Variants in FNBP4 observed in about 807,000 individuals in gnomAD.
FNBP4 encodes the protein formin-binding protein 4.
In FNBP4, 34 loss-of-function variants were observed where a neutral mutation model predicts 119.3. That is an observed-to-expected ratio of 0.28 (90% CI 0.22 to 0.38). FNBP4 has a LOEUF of 0.38. FNBP4 is among the 10% of genes least tolerant of loss of function. The pLI is 1.00. For synonymous variants in FNBP4, 462 were observed against 430.6 expected, an observed-to-expected ratio of 1.07 and a Z score of -0.90; for missense variants, 1,112 against 1,228.9, an observed-to-expected ratio of 0.90 and a Z score of 1.42.
intron 12 of FNBP4, chr11:47,729,627 A>T (rs1481540343): frequency 3.2e-6 from 3 of 948,018 alleles, no homozygotes; most frequent in Non-Finnish European, 3.8e-6. Context: ...TTCCCACCTC[A>T]ACCTCCCAAA....
chr11:47,732,453 C>T lies in FNBP4; in HGVS notation c.1820+84G>A, dbSNP rs1420886893. The T allele has an allele frequency of 3.1e-6, 5 of 1,588,374 alleles. No homozygotes were observed. In the Admixed American group the frequency reaches 6.9e-5, roughly 22 times the overall value. ...CAGCTGCTCTCAGTCTCCAGACAGG[C>T]TGTCATGTCGTCAGATGGTGGTGAT... On this transcript the variant is annotated intron_variant, in intron 11 of 16. Coordinates refer to ENST00000263773, the MANE Select transcript of FNBP4 (RefSeq NM_015308.5). The surrounding 1 kb of genome is among the most constrained non-coding windows in gnomAD (Gnocchi z 4.2).
chr11:47,735,646 T>A (rs2097572966), intron 9 of FNBP4, among the ~76,000 whole-genome samples: 1 of 152,230 alleles, frequency 6.6e-6, no homozygotes, highest in South Asian at 2.1e-4. Flanking sequence ...TTTTAGATAA[T>A]TTCTCAGTAT....
chr11:47,751,901 T>C (rs1013689364), intron 4 of FNBP4, among the ~76,000 whole-genome samples: 7 of 151,852 alleles, frequency 4.6e-5, no homozygotes, highest in East Asian at 1.9e-4. Context: ...TGAGCCAAGA[T>C]TGCACCATTG....
chr11:47,734,611 G>A (rs1316424839), intron 9 of FNBP4, among the ~76,000 whole-genome samples: 2 of 152,144 alleles, frequency 1.3e-5, no homozygotes, highest in African/African-American at 4.8e-5. Context: ...TTAGAATGGT[G>A]GTTGCTAGGG....
intron 7 of FNBP4, among the ~76,000 whole-genome samples, chr11:47,745,326 T>C (rs1480008576): frequency 6.6e-6 from 1 of 152,270 alleles, no homozygotes; most frequent in African/African-American, 2.4e-5. Context: ...GCTAAATTCT[T>C]TTCCTAGCAA....
intron 2 of FNBP4, among the ~76,000 whole-genome samples, chr11:47,756,027 G>GCTTTTAATCAATGAT (rs1445709439): frequency 3.9e-5 from 6 of 152,110 alleles, no homozygotes; most frequent in Non-Finnish European, 5.9e-5. Flanking sequence ...TAAAAACGAA[G>GCTTTTAATCAATGAT]CTTTTAATCA....
chr11:47,721,251 C>A (rs2097555348), intron 15 of FNBP4, among the ~76,000 whole-genome samples: 1 of 149,746 alleles, frequency 6.7e-6, no homozygotes, highest in South Asian at 2.1e-4. Flanking sequence ...GACTCCATCT[C>A]AAAAATAAAT....
rs768967674 is a variant in FNBP4, at chr11:47,750,991, T to C, written c.831A>G (p.Ile277Met). 2 of 1,614,052 alleles carry C rather than the reference T, an allele frequency of 1.2e-6. No individual in the cohort carries two copies. The highest frequency in any genetic ancestry group is 1.7e-6 in the Non-Finnish European group (2 of 1,179,974). The stretch of plus-strand genomic sequence containing the variant: ...CAGAAATCGTTTTCTCCTTAGAATA[T>C]ATGTCTGTATTTACCACAAAACTAG... ...AETSFVVNTDIYSKEKTISVS... is the reference protein window; with the variant it reads ...AETSFVVNTDMYSKEKTISVS... Residue 277 changes from isoleucine (I) to methionine (M), a missense_variant, in exon 6 of 17, where the codon ATA (isoleucine) becomes ATG (methionine). Ile to Met is a conservative substitution (Grantham distance 10, BLOSUM62 1). Coordinates refer to ENST00000263773, the MANE Select transcript of FNBP4 (RefSeq NM_015308.5).
Position 47,735,567 on chromosome 11 carries a change from G to A in FNBP4, c.1581+1049C>T, listed in dbSNP as rs376235006. On this transcript the variant is annotated intron_variant, in intron 9 of 16. Coordinates refer to ENST00000263773, the MANE Select transcript of FNBP4 (RefSeq NM_015308.5). ...AATCTGTGACTTTTCTCCCAAACTAGAGAAGCCTATAAGCTACTGCTTCTC... is the reference window on the plus strand; with the variant it reads ...AATCTGTGACTTTTCTCCCAAACTAAAGAAGCCTATAAGCTACTGCTTCTC... Among the ~76,000 whole-genome samples, 365 of 152,300 alleles carry A rather than the reference G, an allele frequency of 2.4e-3. 3 individuals are homozygous for A. The highest frequency in any genetic ancestry group is 5.4e-3 in the Admixed American group (82 of 15,290).
At chr11:47,731,009 G>GT (rs2135104793) in intron 12 of FNBP4, among the ~76,000 whole-genome samples, 1 of 152,242 alleles carries the variant, frequency 6.6e-6, no homozygotes, top group East Asian at 1.9e-4. Flanking sequence ...GTATAGAAAT[G>GT]TATAACAAAT....
intron 6 of FNBP4, among the ~76,000 whole-genome samples, chr11:47,750,489 A>C (rs1406845076): frequency 1.3e-5 from 2 of 150,522 alleles, no homozygotes; most frequent in South Asian, 2.1e-4. Flanking sequence ...GGAGATCGAG[A>C]CCATCCTGGC....
chr11:47,719,162 AC>A (rs1342207881), intron 16 of FNBP4, among the ~76,000 whole-genome samples: 1 of 152,244 alleles, frequency 6.6e-6, no homozygotes, highest in African/African-American at 2.4e-5. Context: ...TGCTGGGATT[AC>A]AGGCGTGAGC....
intron 8 of FNBP4, among the ~76,000 whole-genome samples, chr11:47,743,152 T>C (rs2097584686): frequency 6.6e-6 from 1 of 152,128 alleles, no homozygotes; most frequent in African/African-American, 2.4e-5. Context: ...TGTACTCAAC[T>C]AAGGTTTGGC....
Position 47,723,097 on chromosome 11 carries a change from C to G in FNBP4, c.2684G>C (p.Gly895Ala), listed in dbSNP as rs761419250. 3 of 1,613,640 alleles carry G rather than the reference C, an allele frequency of 1.9e-6. No homozygotes were observed. Among genetic ancestry groups the G allele is most frequent in the Non-Finnish European group, 2.5e-6 (3 of 1,179,882 alleles). Residue 895 changes from glycine to alanine, a missense_variant, in exon 15 of 17, where the codon GGT becomes GCT. Gly to Ala is a moderately conservative substitution (Grantham distance 60). This residue lies in a region of FNBP4 where 826 missense variants were observed against 988.8 expected (regional missense o/e 0.84). Transcript: ENST00000263773. ...APSLQPVQAR[G>A]AVPTATIIEP... ...TATAATGGTAGCGGTAGGCACAGCA[C>G]CTCGGGCCTGAACTGGCTGCAATGA...
intron 2 of FNBP4, among the ~76,000 whole-genome samples, chr11:47,761,748 CA>C (rs1460770128): frequency 6.6e-6 from 1 of 151,702 alleles, no homozygotes. Flanking sequence ...ACCATGTCTA[CA>C]GAAAGAAAAA....
At chr11:47,741,936 A>C (rs2097582718) in intron 8 of FNBP4, among the ~76,000 whole-genome samples, 1 of 152,188 alleles carries the variant, frequency 6.6e-6, no homozygotes, top group South Asian at 2.1e-4. Context: ...TTAGTGAAAC[A>C]TGGACACAAT....
In FNBP4 at chr11:47,736,849, T is replaced by C. The variant is rs1179823068; in HGVS notation, c.1457-109A>G. 9 of 1,031,062 alleles carry C rather than the reference T, an allele frequency of 8.7e-6. No individual in the cohort carries two copies. In the East Asian group the frequency reaches 2.1e-4, roughly 24 times the overall value. 63.9% of individuals were successfully genotyped at this position (1,031,062 alleles called of 1,614,324 possible). ...CAAAAGATTATTAGTTCTTTCTCTC[T>C]TGCCTGTTTTACTTACTTGTTAAAA... is the stretch of plus-strand genomic sequence containing the variant. On this transcript the variant is annotated intron_variant, in intron 8 of 16. Transcript: ENST00000263773.
In FNBP4 at chr11:47,751,271, A is replaced by G. The variant is rs1192596709; in HGVS notation, c.657T>C (p.Asp219=). The G allele has an allele frequency of 1.2e-6, 2 of 1,614,122 alleles. No homozygotes were observed. Among genetic ancestry groups the G allele is most frequent in the East Asian group, 2.2e-5 (1 of 44,884 alleles). ...SLAGVGIEMG[D]WQEVWDENTG... is the part of the protein sequence containing the mutation. ...TGTTCTCATCCCAGACTTCCTGCCA[A>G]TCGCCCATCTCAATTCCGACTAGAA... Residue 219 remains aspartate, a synonymous_variant, in exon 5 of 17, where the codon GAT becomes GAC. Coordinates refer to ENST00000263773, the MANE Select transcript of FNBP4 (RefSeq NM_015308.5).
chr11:47,732,511 G>C lies in FNBP4; in HGVS notation c.1820+26C>G. 6.2e-7 allele frequency: 1 copy of C among 1,613,718 alleles called. No individual in the cohort carries two copies. The highest frequency in any genetic ancestry group is 1.1e-5 in the South Asian group (1 of 91,046). Reference sequence around the variant, plus strand: ...CATGTCTGAGATGTCAAAGGTGAAAGGTGAAAAGGGGAGAAGAGTGCGTAC... The same window carrying C: ...CATGTCTGAGATGTCAAAGGTGAAACGTGAAAAGGGGAGAAGAGTGCGTAC... On this transcript the variant is annotated intron_variant, in intron 11 of 16. Transcript: ENST00000263773. The surrounding 1 kb of genome is among the most constrained non-coding windows in gnomAD (Gnocchi z 4.2).
Sources: allele counts gnomAD v4.1 joint callset (sites outside exome capture counted in the v4.1 genomes callset), GRCh38; gene constraint gnomAD v4.1.1; regional missense constraint gnomAD v4.1.1; non-coding constraint Gnocchi (gnomAD v3.1); transcripts MANE v1.5; gene names NCBI Gene and HGNC (gene_info 2026-07-23, HGNC 2026-07-21).